The following KIF2A variants were observed in gnomAD, a reference collection of about 807,000 sequenced individuals.
KIF2A encodes the protein kinesin-like protein KIF2A.
KIF2A carries 22 observed loss-of-function variants against 100.2 expected under a neutral mutation model. The ratio of observed to expected loss-of-function variants is 0.22; its 90% CI spans 0.16 to 0.31. The LOEUF (loss-of-function observed/expected upper bound fraction) is 0.31. KIF2A is among the 10% of genes least tolerant of loss of function. KIF2A has a pLI of 1.00. For missense variants in KIF2A, 495 were observed against 898.7 expected (o/e 0.55, Z 5.74); for synonymous variants, 268 against 285.9 (o/e 0.94, Z 0.63).
rs1202092630 is a variant in KIF2A, at chr5:62,385,716, A to G, written c.*147A>G. The G allele has an allele frequency of 3.2e-6, 2 of 616,720 alleles. No individual in the cohort carries two copies. Among genetic ancestry groups the G allele is most frequent in the Admixed American group, 5.6e-5 (2 of 35,510 alleles). 38.2% of individuals were successfully genotyped at this position (616,720 alleles called of 1,614,324 possible). A position where few individuals can be genotyped will look rare whatever the true frequency, so the allele number is the denominator to read the frequency against. On this transcript the variant is annotated 3_prime_UTR_variant, in exon 21 of 21. Transcript: ENST00000407818. ...ACCTGAATTACATTTCAATTTTGTG[A>G]AACACTCTTTTGTCTACAAAATGCT...
intron 4 of KIF2A, among the ~76,000 whole-genome samples, chr5:62,352,153 A>C (rs1237648162): frequency 2.5e-5 from 1 of 39,644 alleles, no homozygotes; most frequent in Non-Finnish European, 4.4e-5. Context: ...ACTTCATCTC[A>C]AAAAAAAAAA....
At chr5:62,371,658 T>C (rs1036200216) in intron 16 of KIF2A, among the ~76,000 whole-genome samples, 9 of 152,174 alleles carry the variant, frequency 5.9e-5, no homozygotes, top group African/African-American at 2.2e-4. Flanking sequence ...GTTGAAGGAC[T>C]AAATAATATA....
rs1323445470 is a variant in KIF2A, at chr5:62,387,684, T to C, written c.*2115T>C. On this transcript the variant is annotated 3_prime_UTR_variant, in exon 21 of 21. Transcript: ENST00000407818. ...AAGCCGAGTTAAATCTTAAAATTTT[T>C]ACTATAAGGATAGAGATGATACAAG... The C allele has an allele frequency of 6.6e-6, 1 of 152,188 alleles. No individual in the cohort carries two copies. Among genetic ancestry groups the C allele is most frequent in the Non-Finnish European group, 1.5e-5 (1 of 68,032 alleles). The allele number at this position is 152,188 out of a possible 1,614,324, so 9.4% of individuals were successfully genotyped here. A position where few individuals can be genotyped will look rare whatever the true frequency, so the allele number is the denominator to read the frequency against.
At chr5:62,375,428 A>T (rs1386824309) in intron 18 of KIF2A, among the ~76,000 whole-genome samples, 1 of 152,240 alleles carries the variant, frequency 6.6e-6, no homozygotes, top group Non-Finnish European at 1.5e-5. Flanking sequence ...TACTATAATT[A>T]TCCCTACTTT....
At chr5:62,385,142 CAAA>C (rs35824644) in intron 20 of KIF2A, among the ~76,000 whole-genome samples, 1 of 138,800 alleles carries the variant, frequency 7.2e-6, no homozygotes, top group Non-Finnish European at 1.6e-5. Context: ...GACTCCATCT[CAAA>C]AAAAAAAAGG....
chr5:62,355,235 C>A lies in KIF2A; in HGVS notation c.635C>A (p.Pro212Gln). 6.5e-7 allele frequency: 1 copy of A among 1,540,430 alleles called. No homozygotes were observed. The highest frequency in any genetic ancestry group is 9.0e-7 in the Non-Finnish European group (1 of 1,115,864). ...TTTAGAGGAAGTTTGGATTATAGAC[C>A]ATTAACAACAGCAGATCCTGTAAGA... ...RDFRGSLDYR[P>Q]LTTADPIDEH... is the part of the protein sequence containing the mutation. The change falls in exon 7 of 21, where the codon CCA becomes CAA. Residue 212 changes from proline (P) to glutamine (Q), a missense_variant. Pro to Gln is a moderately conservative substitution (Grantham distance 76). This residue lies in a region of KIF2A where 109 missense variants were observed against 244.2 expected (regional missense o/e 0.45). Coordinates refer to ENST00000407818, the MANE Select transcript of KIF2A (RefSeq NM_001098511.3).
intron 1 of KIF2A, among the ~76,000 whole-genome samples, chr5:62,339,765 CAA>C (rs546300639): frequency 1.7e-5 from 2 of 118,426 alleles, no homozygotes; most frequent in African/African-American, 3.1e-5. Flanking sequence ...TAGTATTGAG[CAA>C]AAAAAAAAAA....
At chr5:62,362,181 C>A (rs191135367) in intron 11 of KIF2A, among the ~76,000 whole-genome samples, 151 of 151,174 alleles carry the variant, frequency 1.0e-3, no homozygotes, top group African/African-American at 3.5e-3. Context: ...ATAAGAATAA[C>A]CTCATTATGA....
At chr5:62,358,527 CACATATATAT>C (rs757603093) in intron 9 of KIF2A, among the ~76,000 whole-genome samples, 6 of 152,202 alleles carry the variant, frequency 3.9e-5, no homozygotes, top group East Asian at 3.9e-4. Flanking sequence ...TAGCTTATTA[CACATATATAT>C]ACATATATAT....
intron 1 of KIF2A, among the ~76,000 whole-genome samples, chr5:62,313,874 C>T (rs1234552870): frequency 6.6e-6 from 1 of 152,090 alleles, no homozygotes; most frequent in Non-Finnish European, 1.5e-5. Flanking sequence ...TCACTGCAGC[C>T]TCCAAGTCCT....
intron 1 of KIF2A, among the ~76,000 whole-genome samples, chr5:62,343,127 ACT>A (rs1252865866): frequency 1.3e-5 from 2 of 151,770 alleles, no homozygotes; most frequent in Non-Finnish European, 2.9e-5. Flanking sequence ...TGTACTCCCA[ACT>A]CTCTCATCTG....
chr5:62,318,317 G>A (rs1268583829), intron 1 of KIF2A, among the ~76,000 whole-genome samples: 1 of 152,140 alleles, frequency 6.6e-6, no homozygotes, highest in Admixed American at 6.6e-5. Context: ...TGCTGACCTC[G>A]TGATCCGCCT....
intron 1 of KIF2A, among the ~76,000 whole-genome samples, chr5:62,315,070 C>T (rs1007336305): frequency 1.3e-5 from 2 of 151,822 alleles, no homozygotes; most frequent in Non-Finnish European, 2.9e-5. Flanking sequence ...GCCTTATGCC[C>T]GCATTTTGAC....
In KIF2A at chr5:62,348,474, T is replaced by C. The variant is rs536209140; in HGVS notation, c.279+307T>C. Among the ~76,000 whole-genome samples the C allele has an allele frequency of 4.6e-5, 7 of 152,292 alleles. No individual in the cohort carries two copies. The South Asian group carries it at 1.0e-3, about 23-fold the overall frequency. The stretch of plus-strand genomic sequence containing the variant: ...TTGGTGTTTGTTGAATGAAGACATA[T>C]GACTTTGACAAAGGCATAATAGCTG... On this transcript the variant is annotated intron_variant, in intron 3 of 20. Transcript: ENST00000407818.
At chr5:62,366,144 G>A (rs535936914) in intron 15 of KIF2A, among the ~76,000 whole-genome samples, 11 of 152,096 alleles carry the variant, frequency 7.2e-5, no homozygotes, top group Non-Finnish European at 1.5e-4. Flanking sequence ...TGGAGTGGGG[G>A]TCAGTCAGTA....
intron 20 of KIF2A, among the ~76,000 whole-genome samples, chr5:62,383,304 G>A (rs1286456939): frequency 1.5e-5 from 2 of 135,768 alleles, no homozygotes; most frequent in African/African-American, 5.6e-5. Context: ...GTGCAGTGGA[G>A]CGATCTTGGC....
intron 7 of KIF2A, among the ~76,000 whole-genome samples, chr5:62,356,264 T>C (rs1459823502): frequency 6.6e-6 from 1 of 152,274 alleles, no homozygotes; most frequent in Admixed American, 6.5e-5. Flanking sequence ...TAGGCCTTGC[T>C]ATTCCTTCAT....
At chr5:62,353,618 GA>G (rs1247667713) in intron 6 of KIF2A, among the ~76,000 whole-genome samples, 1 of 152,048 alleles carries the variant, frequency 6.6e-6, no homozygotes, top group African/African-American at 2.4e-5. Context: ...GTTCCATTAA[GA>G]AAAAGCCATT....
rs1742148376 is a variant in KIF2A, at chr5:62,388,583, G to A, written c.*3014G>A. 1.3e-5 allele frequency: 2 copies of A among 159,938 alleles called. No individual in the cohort carries two copies. The highest frequency in any genetic ancestry group is 4.8e-5 in the African/African-American group (2 of 41,608). The allele number at this position is 159,938 out of a possible 1,614,324, so 9.9% of individuals were successfully genotyped here. On this transcript the variant is annotated 3_prime_UTR_variant, in exon 21 of 21. Coordinates refer to ENST00000407818, the MANE Select transcript of KIF2A (RefSeq NM_001098511.3). ...AATAACAAGAAATGGTACGGGGAAT[G>A]TGAATAACACGAAATGGTATGGGGA...
Sources: allele counts gnomAD v4.1 joint callset (sites outside exome capture counted in the v4.1 genomes callset), GRCh38; gene constraint gnomAD v4.1.1; regional missense constraint gnomAD v4.1.1; transcripts MANE v1.5; gene names NCBI Gene and HGNC (gene_info 2026-07-23, HGNC 2026-07-21).